BANP: variants seen among roughly 807,000 people sequenced by gnomAD.
BANP encodes the protein BTG3 associated nuclear protein.
Under a neutral mutation model 68.1 loss-of-function variants are expected in BANP, and 11 were observed. The observed-to-expected ratio is 0.16, with a 90% confidence interval of 0.10 to 0.27. BANP has a LOEUF of 0.27. Ranked by LOEUF, BANP falls within the 10% of genes least tolerant of loss-of-function variation. The pLI, the probability that BANP is intolerant of heterozygous loss-of-function variation, is 1.00. For synonymous variants in BANP, 329 were observed against 303.2 expected, an observed-to-expected ratio of 1.09 and a Z score of -0.88; for missense variants, 504 against 722.7, an observed-to-expected ratio of 0.70 and a Z score of 3.47.
intron 11 of BANP, among the ~76,000 whole-genome samples, chr16:88,050,183 G>A (rs1321506867): frequency 1.3e-5 from 2 of 152,222 alleles, no homozygotes; most frequent in East Asian, 3.9e-4. Context: ...ATGAGACACA[G>A]TCTCGCCCTG....
At chr16:88,068,845 G>A (rs2152907027) in intron 12 of BANP, among the ~76,000 whole-genome samples, 1 of 152,104 alleles carries the variant, frequency 6.6e-6, no homozygotes, top group East Asian at 1.9e-4. Context: ...TCCTTTCTTG[G>A]GAAGAAGGTT....
intron 11 of BANP, among the ~76,000 whole-genome samples, chr16:88,063,060 C>T (rs2087323627): frequency 6.6e-6 from 1 of 152,248 alleles, no homozygotes. Flanking sequence ...ATCTCAGCCT[C>T]CTGTGTGTTT....
intron 1 of BANP, among the ~76,000 whole-genome samples, chr16:87,967,254 CTTTTTTTTTTTTT>C (rs573550962): frequency 9.3e-6 from 1 of 106,992 alleles, no homozygotes; most frequent in African/African-American, 3.5e-5. Context: ...GGAAAAGGTT[CTTTTTTTTTTTTT>C]TTTTTTTTTT....
intron 1 of BANP, among the ~76,000 whole-genome samples, chr16:87,974,239 T>G (rs372885972): frequency 4.3e-4 from 66 of 152,374 alleles, no homozygotes; most frequent in African/African-American, 1.5e-3. Context: ...TGTGTGTCCA[T>G]AGACCATAGT....
rs2070567611 is a variant in BANP, at chr16:88,004,999, G to A, written c.479+588G>A. Among the ~76,000 whole-genome samples, 1 of 152,154 alleles carries A rather than the reference G, an allele frequency of 6.6e-6. No homozygotes were observed. Among genetic ancestry groups the A allele is most frequent in the South Asian group, 2.1e-4 (1 of 4,830 alleles). On this transcript the variant is annotated intron_variant, in intron 5 of 13. Coordinates refer to ENST00000682872, the MANE Select transcript of BANP (RefSeq NM_001386991.1). This position sits in a 1 kb window ranked among gnomAD's most constrained non-coding sequence, Gnocchi z 7.0. ...CCCTGGGGCTGCGTGAACCCCTGAG[G>A]ATGCTGTTGCTTTTTCTTTCCCATC... is the stretch of plus-strand genomic sequence containing the variant.
chr16:88,028,438 G>A (rs1053333191), intron 8 of BANP, among the ~76,000 whole-genome samples: 7 of 152,210 alleles, frequency 4.6e-5, no homozygotes, highest in African/African-American at 7.2e-5. Flanking sequence ...TTTCTGAACC[G>A]GACTTCAGGA....
At chr16:88,006,897 A>T (rs2071342589) in intron 6 of BANP, among the ~76,000 whole-genome samples, 1 of 142,904 alleles carries the variant, frequency 7.0e-6, no homozygotes, top group Admixed American at 7.3e-5. Flanking sequence ...GGTTGCAGTG[A>T]GCTGAGATCG....
At chr16:88,024,711 C>T (rs913304678) in intron 7 of BANP, among the ~76,000 whole-genome samples, 1 of 152,248 alleles carries the variant, frequency 6.6e-6, no homozygotes, top group African/African-American at 2.4e-5. Context: ...TCTGGATCTC[C>T]TTTGTGGCCG....
Position 87,998,231 on chromosome 16 carries a change from G to A in BANP, c.363-6064G>A, listed in dbSNP as rs542472051. ...ACCCCTGTACAGGGGAAGGCCACAC[G>A]GAAAACTAAAGCATAGTAAGGACGT... On this transcript the variant is annotated intron_variant, in intron 4 of 13. Transcript: ENST00000682872. 3.9e-5 allele frequency among the ~76,000 whole-genome samples: 6 copies of A among 152,294 alleles called. No individual in the cohort carries two copies. In the East Asian group the frequency reaches 7.7e-4, roughly 20 times the overall value.
intron 12 of BANP, among the ~76,000 whole-genome samples, chr16:88,070,701 G>A (rs1026477358): frequency 6.6e-6 from 1 of 152,154 alleles, no homozygotes; most frequent in African/African-American, 2.4e-5. Context: ...CAGGCCTGTA[G>A]ATGCTCACTG....
intron 7 of BANP, among the ~76,000 whole-genome samples, chr16:88,022,836 T>C (rs960804198): frequency 6.6e-6 from 1 of 152,114 alleles, no homozygotes; most frequent in Non-Finnish European, 1.5e-5. Context: ...TCTGTGTCCC[T>C]CTCCTTATGA....
intron 1 of BANP, among the ~76,000 whole-genome samples, chr16:87,959,224 T>C (rs1228524094): frequency 6.6e-6 from 1 of 152,234 alleles, no homozygotes; most frequent in African/African-American, 2.4e-5. Context: ...GCAGGCACCT[T>C]GTTTGTGGAC....
At chr16:88,068,871 C>T (rs73235248) in intron 12 of BANP, among the ~76,000 whole-genome samples, 42 of 127,586 alleles carry the variant, frequency 3.3e-4, no homozygotes, top group African/African-American at 1.3e-3. Context: ...TGCAGGGGCT[C>T]CACCTCCCTG....
intron 4 of BANP, among the ~76,000 whole-genome samples, chr16:87,989,965 G>A (rs1401473835): frequency 4.0e-5 from 6 of 151,292 alleles, no homozygotes; most frequent in East Asian, 2.0e-4. Context: ...ATGCAGGCCC[G>A]CGTGGCTGCG....
intron 4 of BANP, among the ~76,000 whole-genome samples, chr16:87,988,430 A>ATT (rs879815857): frequency 6.9e-6 from 1 of 144,428 alleles, no homozygotes. Context: ...CGCCTGGCTA[A>ATT]TTTTTTTTTT....
intron 11 of BANP, among the ~76,000 whole-genome samples, chr16:88,046,484 G>A (rs144377130): frequency 6.6e-6 from 1 of 152,134 alleles, no homozygotes; most frequent in African/African-American, 2.4e-5. Flanking sequence ...CTGTGAGCTC[G>A]TGCAGTCTTG....
chr16:87,971,285 T>C (rs1216024514), intron 1 of BANP, among the ~76,000 whole-genome samples: 1 of 149,230 alleles, frequency 6.7e-6, no homozygotes, highest in Non-Finnish European at 1.5e-5. Flanking sequence ...CAGTCCTGCG[T>C]GGAGATAGGG....
At chr16:88,051,053 C>T (rs2083145704) in intron 11 of BANP, among the ~76,000 whole-genome samples, 1 of 152,220 alleles carries the variant, frequency 6.6e-6, no homozygotes, top group Non-Finnish European at 1.5e-5. Context: ...TGCTAACCTG[C>T]ATAGCCAGCT....
At chr16:88,032,236 C>G (rs2078340137) in intron 8 of BANP, among the ~76,000 whole-genome samples, 1 of 152,038 alleles carries the variant, frequency 6.6e-6, no homozygotes, top group Non-Finnish European at 1.5e-5. Flanking sequence ...GAGTCTCGCT[C>G]TGTTGCCCAG....
Sources: allele counts gnomAD v4.1 joint callset (sites outside exome capture counted in the v4.1 genomes callset), GRCh38; gene constraint gnomAD v4.1.1; non-coding constraint Gnocchi (gnomAD v3.1); transcripts MANE v1.5; gene names NCBI Gene and HGNC (gene_info 2026-07-23, HGNC 2026-07-21).